Variants in NEK11 observed in about 807,000 individuals in gnomAD.
The protein encoded by NEK11 is serine/threonine-protein kinase Nek11.
Under a neutral mutation model 80.7 loss-of-function variants are expected in NEK11, and 72 were observed. The ratio of observed to expected loss-of-function variants is 0.89; its 90% CI spans 0.74 to 1.08. The LOEUF (loss-of-function observed/expected upper bound fraction) is 1.08, where lower values mean the gene tolerates loss of function less well. NEK11 is among the 50% of genes least tolerant of loss of function. The probability of loss-of-function intolerance (pLI) is 0.00; values close to 1 mark genes in which losing one functional copy is unlikely to be tolerated. For synonymous variants in NEK11, 251 were observed against 260.7 expected (o/e 0.96, Z 0.36); for missense variants, 764 against 763.6 (o/e 1.00, Z -0.01).
At chr3:131,156,696 G>A (rs2090697913) in intron 10 of NEK11, among the ~76,000 whole-genome samples, 2 of 151,922 alleles carry the variant, frequency 1.3e-5, no homozygotes, top group South Asian at 4.2e-4. Context: ...TATTACTTTG[G>A]ACAAGTTACT....
intron 17 of NEK11, among the ~76,000 whole-genome samples, chr3:131,301,883 G>A (rs533118801): frequency 6.6e-6 from 1 of 152,248 alleles, no homozygotes; most frequent in South Asian, 2.1e-4. Context: ...GTGAGTTAGG[G>A]AGGAGTCCCT....
At chr3:131,143,892 A>T (rs978875554) in intron 7 of NEK11, among the ~76,000 whole-genome samples, 1 of 152,074 alleles carries the variant, frequency 6.6e-6, no homozygotes, top group Admixed American at 6.6e-5. Context: ...TTACATTTCC[A>T]TTACTGTTTC....
At chr3:131,040,727 A>T (rs2066354053) in intron 3 of NEK11, among the ~76,000 whole-genome samples, 1 of 152,224 alleles carries the variant, frequency 6.6e-6, no homozygotes, top group African/African-American at 2.4e-5. Flanking sequence ...AAGAAGGAAG[A>T]TCAAAATGTA....
chr3:131,157,144 C>G (rs1412707871), intron 10 of NEK11, among the ~76,000 whole-genome samples: 1 of 152,082 alleles, frequency 6.6e-6, no homozygotes, highest in African/African-American at 2.4e-5. Flanking sequence ...AGTTTAAAGA[C>G]AGAGTCCAGC....
chr3:131,162,800 C>T (rs1005229132), intron 11 of NEK11, among the ~76,000 whole-genome samples: 5 of 152,082 alleles, frequency 3.3e-5, no homozygotes, highest in South Asian at 2.1e-4. Context: ...AGTTTCCAAA[C>T]GAAATCTCAT....
intron 10 of NEK11, among the ~76,000 whole-genome samples, chr3:131,156,948 A>AC (rs2090762213): frequency 7.4e-6 from 1 of 134,676 alleles, no homozygotes; most frequent in African/African-American, 2.9e-5. Context: ...AGCATTCCAC[A>AC]AAAAAAAAAA....
At chr3:131,064,459 C>G (rs1268551073) in intron 3 of NEK11, among the ~76,000 whole-genome samples, 1 of 151,856 alleles carries the variant, frequency 6.6e-6, no homozygotes, top group Non-Finnish European at 1.5e-5. Flanking sequence ...AAGAACAACA[C>G]TTATATAGGA....
At chr3:131,065,899 A>C (rs2071832952) in intron 3 of NEK11, among the ~76,000 whole-genome samples, 1 of 152,210 alleles carries the variant, frequency 6.6e-6, no homozygotes, top group Admixed American at 6.5e-5. Context: ...CATTAATAAA[A>C]TGTAAGTGAG....
chr3:131,113,929 A>G (rs1419980392), intron 5 of NEK11, among the ~76,000 whole-genome samples: 2 of 140,586 alleles, frequency 1.4e-5, no homozygotes, highest in African/African-American at 5.3e-5. Flanking sequence ...AAAAAAAAAA[A>G]GGCAATCTTG....
Position 131,327,889 on chromosome 3 carries a change from C to A in NEK11, c.1719-21668C>A, listed in dbSNP as rs947759116. On this transcript the variant is annotated intron_variant, in intron 17 of 17. Coordinates refer to ENST00000383366, the MANE Select transcript of NEK11 (RefSeq NM_024800.5). ...TTTATTTTGTAGCACTGAAAAAAAT[C>A]TAAAATTACCTTATTTGTTTACTTG... Among the ~76,000 whole-genome samples, 13 of 152,164 alleles carry A rather than the reference C, an allele frequency of 8.5e-5. 1 individual carries two copies. Among genetic ancestry groups the A allele is most frequent in the African/African-American group, 1.7e-4 (7 of 41,514 alleles).
Position 131,245,301 on chromosome 3 carries a change from T to TTGTGTGTGTGTGTGTGTGTG in NEK11, c.1621+1813_1621+1832dup, listed in dbSNP as rs4044352. Among the ~76,000 whole-genome samples, 654 of 140,784 alleles carry TTGTGTGTGTGTGTGTGTGTG rather than the reference T, an allele frequency of 4.6e-3. 4 individuals carry two copies. The highest frequency in any genetic ancestry group is 0.016 in the African/African-American group (550 of 35,306). The allele number at this position is 140,784 out of a possible 152,430, so 92.4% of individuals were successfully genotyped here. A position where few individuals can be genotyped will look rare whatever the true frequency, so the allele number is the denominator to read the frequency against. On this transcript the variant is annotated intron_variant, in intron 16 of 17. Coordinates refer to ENST00000383366, the MANE Select transcript of NEK11 (RefSeq NM_024800.5). The stretch of plus-strand genomic sequence containing the variant: ...TTTTTTGTGGTTGAATAGTATTCCA[T>TTGTGTGTGTGTGTGTGTGTG]TGTGTGTGTGTGTGTGTGTGTGTGT...
chr3:131,288,771 T>C (rs1467157812), intron 17 of NEK11, among the ~76,000 whole-genome samples: 1 of 152,182 alleles, frequency 6.6e-6, no homozygotes, highest in African/African-American at 2.4e-5. Flanking sequence ...TGCATTTCTG[T>C]GTTAATCTTA....
Position 131,155,009 on chromosome 3 carries a change from A to T in NEK11, c.877-27A>T, listed in dbSNP as rs543557000. On this transcript the variant is annotated intron_variant, in intron 9 of 17. Transcript: ENST00000383366. ...TCATCCCTAAAGAGGAGCCTTTAAGATATGTCAGGGTTGATCTTTTTTTCA... is the reference window on the plus strand; with the variant it reads ...TCATCCCTAAAGAGGAGCCTTTAAGTTATGTCAGGGTTGATCTTTTTTTCA... 7 of 1,354,404 alleles carry T rather than the reference A, an allele frequency of 5.2e-6. No homozygotes were observed. In the South Asian group the frequency reaches 7.1e-5, roughly 14 times the overall value. 83.9% of individuals were successfully genotyped at this position (1,354,404 alleles called of 1,614,324 possible). A position where few individuals can be genotyped will look rare whatever the true frequency, so the allele number is the denominator to read the frequency against.
At chr3:131,121,472 C>G (rs1361487681) in intron 5 of NEK11, among the ~76,000 whole-genome samples, 1 of 152,216 alleles carries the variant, frequency 6.6e-6, no homozygotes, top group Non-Finnish European at 1.5e-5. Flanking sequence ...GTTCTCAGAT[C>G]TCAAACTCTG....
intron 4 of NEK11, among the ~76,000 whole-genome samples, chr3:131,085,543 C>T (rs566710133): frequency 1.3e-5 from 2 of 152,100 alleles, no homozygotes; most frequent in Non-Finnish European, 2.9e-5. Flanking sequence ...GAAATGACTT[C>T]TGACCATGGG....
chr3:131,120,554 A>G (rs578117376), intron 5 of NEK11, among the ~76,000 whole-genome samples: 5 of 152,096 alleles, frequency 3.3e-5, no homozygotes, highest in Admixed American at 2.6e-4. Context: ...GTTCTTCTGG[A>G]TAATATCCTG....
At chr3:131,126,031 C>G (rs1396231275) in intron 5 of NEK11, among the ~76,000 whole-genome samples, 1 of 152,122 alleles carries the variant, frequency 6.6e-6, no homozygotes, top group African/African-American at 2.4e-5. Flanking sequence ...CATTTCTGAC[C>G]TAAGGCTCAA....
intron 4 of NEK11, among the ~76,000 whole-genome samples, chr3:131,097,881 G>T (rs1018058316): frequency 6.9e-6 from 1 of 144,380 alleles, no homozygotes; most frequent in African/African-American, 2.5e-5. Flanking sequence ...AAAGCTGGAG[G>T]CATCACGCTA....
At chr3:131,267,517 C>T (rs1216891206) in intron 16 of NEK11, among the ~76,000 whole-genome samples, 1 of 152,156 alleles carries the variant, frequency 6.6e-6, no homozygotes, top group Non-Finnish European at 1.5e-5. Context: ...AATATTGGCC[C>T]CCACTCTCTT....
Sources: gnomAD v4.1 joint callset for allele counts (sites outside exome capture counted in the v4.1 genomes callset) on GRCh38, gnomAD v4.1.1 for gene constraint, MANE v1.5 for transcripts, NCBI Gene and HGNC (gene_info 2026-07-23, HGNC 2026-07-21) for gene names.